The following CHD6 variants were observed in gnomAD, a reference collection of about 807,000 sequenced individuals.
CHD6 encodes ATP-dependent chromatin remodeler CHD6.
A neutral mutation model predicts 276.9 loss-of-function variants in CHD6; 50 were observed. The observed-to-expected ratio is 0.18, with a 90% CI of 0.14 to 0.23. CHD6 has a LOEUF of 0.23. Ranked by LOEUF, CHD6 falls within the 10% of genes least tolerant of loss-of-function variation. CHD6 has a pLI of 1.00. For missense variants in CHD6, 2,564 were observed against 3,365.8 expected (o/e 0.76, Z 5.89); for synonymous variants, 1,173 against 1,229.3 (o/e 0.95, Z 0.96).
chr20:41,565,047 C>A (rs1462651258), intron 1 of CHD6, among the ~76,000 whole-genome samples: 3 of 150,046 alleles, frequency 2.0e-5, no homozygotes, highest in Non-Finnish European at 4.4e-5. Context: ...AGCAGGCTAG[C>A]AAATAAAACA....
At chr20:41,584,627 C>T (rs771174138) in intron 1 of CHD6, among the ~76,000 whole-genome samples, 1 of 151,982 alleles carries the variant, frequency 6.6e-6, no homozygotes, top group African/African-American at 2.4e-5. Flanking sequence ...TATTATCCAA[C>T]TACAAAAAAA....
chr20:41,402,128 C>T lies in CHD6; in HGVS notation c.*2465G>A. Reference sequence around the variant, plus strand: ...TTGTTTTTAAATCCAGGATCAAGACCACAATTTATTATGTAAGACATGGGG... The same window carrying T: ...TTGTTTTTAAATCCAGGATCAAGACTACAATTTATTATGTAAGACATGGGG... On this transcript the variant is annotated 3_prime_UTR_variant, in exon 37 of 37. Transcript: ENST00000373233. 1 of 197,602 alleles carries T rather than the reference C, an allele frequency of 5.1e-6. No homozygotes were observed. The highest frequency in any genetic ancestry group is 1.0e-5 in the Non-Finnish European group (1 of 95,366). The allele number at this position is 197,602 out of a possible 1,614,324, so 12.2% of individuals were successfully genotyped here.
At chr20:41,418,420 G>A (rs1043556394) in intron 31 of CHD6, among the ~76,000 whole-genome samples, 4 of 152,158 alleles carry the variant, frequency 2.6e-5, no homozygotes, top group African/African-American at 9.6e-5. Context: ...TTGTGGACAT[G>A]CTGAGGAACG....
intron 3 of CHD6, among the ~76,000 whole-genome samples, chr20:41,516,273 C>T (rs1042224803): frequency 9.2e-5 from 14 of 152,088 alleles, no homozygotes; most frequent in African/African-American, 3.1e-4. Flanking sequence ...AATTCTCCTG[C>T]CTCAGTCTCC....
chr20:41,590,498 A>G (rs147060816), intron 1 of CHD6, among the ~76,000 whole-genome samples: 1 of 152,224 alleles, frequency 6.6e-6, no homozygotes, highest in Non-Finnish European at 1.5e-5. Context: ...ATCTACAAAG[A>G]ACTCTAACAA....
intron 17 of CHD6, among the ~76,000 whole-genome samples, chr20:41,460,201 G>A (rs6072379): frequency 6.6e-6 from 1 of 152,204 alleles, no homozygotes; most frequent in Non-Finnish European, 1.5e-5. Flanking sequence ...GGGTGACTTA[G>A]GTTCTGTTAA....
chr20:41,481,878 T>A (rs993648330), intron 16 of CHD6, among the ~76,000 whole-genome samples: 1 of 152,066 alleles, frequency 6.6e-6, no homozygotes, highest in African/African-American at 2.4e-5. Flanking sequence ...AAGTGCAATG[T>A]AGAACAGCAC....
intron 1 of CHD6, among the ~76,000 whole-genome samples, chr20:41,608,742 T>C (rs188764895): frequency 4.1e-4 from 62 of 152,292 alleles, no homozygotes; most frequent in Non-Finnish European, 3.1e-4. Flanking sequence ...CCCGACAAGA[T>C]AGAAAGTAGC....
At chr20:41,465,540 G>A (rs1214058774) in intron 17 of CHD6, among the ~76,000 whole-genome samples, 1 of 152,182 alleles carries the variant, frequency 6.6e-6, no homozygotes, top group African/African-American at 2.4e-5. Flanking sequence ...AGGTTAGGGA[G>A]TCACAACTTC....
Position 41,507,872 on chromosome 20 carries a change from T to A in CHD6, c.852+4974A>T, listed in dbSNP as rs2044014939. ...TCTTTTACTTCTATTTAGCAAACCA[T>A]AAGGAGGGAGCCTAACAAGAAACAA... On this transcript the variant is annotated intron_variant, in intron 5 of 36. Coordinates refer to ENST00000373233, the MANE Select transcript of CHD6 (RefSeq NM_032221.5). Among the ~76,000 whole-genome samples, 2 of 152,104 alleles carry A rather than the reference T, an allele frequency of 1.3e-5. 1 individual carries two copies. The highest frequency in any genetic ancestry group is 4.1e-4 in the South Asian group (2 of 4,824).
intron 3 of CHD6, among the ~76,000 whole-genome samples, chr20:41,517,961 A>G (rs1010456193): frequency 2.0e-5 from 3 of 152,254 alleles, no homozygotes; most frequent in African/African-American, 7.2e-5. Flanking sequence ...ATGTTATTTG[A>G]ATCTCAAAAT....
intron 1 of CHD6, among the ~76,000 whole-genome samples, chr20:41,600,837 G>C (rs928734182): frequency 6.6e-6 from 1 of 152,212 alleles, no homozygotes; most frequent in East Asian, 1.9e-4. Flanking sequence ...TCTGTCCAGA[G>C]TTGCAGTGTG....
chr20:41,479,531 A>G (rs891856698), intron 16 of CHD6, among the ~76,000 whole-genome samples: 1 of 152,092 alleles, frequency 6.6e-6, no homozygotes, highest in East Asian at 1.9e-4. Context: ...CTGGAGGGGG[A>G]AGAAAAGGAA....
chr20:41,522,948 AAT>A (rs143994460), intron 3 of CHD6, among the ~76,000 whole-genome samples: 2 of 150,962 alleles, frequency 1.3e-5, no homozygotes, highest in African/African-American at 4.8e-5. Flanking sequence ...CTTCCTTTAA[AAT>A]ATATATATAT....
intron 1 of CHD6, among the ~76,000 whole-genome samples, chr20:41,556,260 G>C (rs1352933976): frequency 3.3e-5 from 5 of 151,210 alleles, no homozygotes; most frequent in Admixed American, 1.3e-4. Flanking sequence ...GAGAGGGAGA[G>C]GGAGACCGTG....
intron 6 of CHD6, among the ~76,000 whole-genome samples, chr20:41,498,885 G>C (rs1439240349): frequency 6.6e-6 from 1 of 151,556 alleles, no homozygotes; most frequent in Non-Finnish European, 1.5e-5. Flanking sequence ...ATATTGCCCA[G>C]GTTGGTCTTG....
At chr20:41,504,403 C>CTTTTTTTTTTTTTTTTT (rs200549678) in intron 5 of CHD6, among the ~76,000 whole-genome samples, 1 of 109,972 alleles carries the variant, frequency 9.1e-6, no homozygotes, top group Non-Finnish European at 1.8e-5. Context: ...CCTCTATTTT[C>CTTTTTTTTTTTTTTTTT]TTTTTTTTTT....
At chr20:41,477,901 TA>T (rs2043202152) in intron 16 of CHD6, among the ~76,000 whole-genome samples, 1 of 152,094 alleles carries the variant, frequency 6.6e-6, no homozygotes, top group African/African-American at 2.4e-5. Flanking sequence ...GAGGGTAAAA[TA>T]AAAGATCTTG....
Position 41,452,245 on chromosome 20 carries a change from A to G in CHD6, c.3324-220T>C, listed in dbSNP as rs2048260904. 6.6e-6 allele frequency among the ~76,000 whole-genome samples: 1 copy of G among 152,242 alleles called. No individual in the cohort carries two copies. The highest frequency in any genetic ancestry group is 2.4e-5 in the African/African-American group (1 of 41,466). On this transcript the variant is annotated intron_variant, in intron 21 of 36. Transcript: ENST00000373233. This position sits in a 1 kb window ranked among gnomAD's most constrained non-coding sequence, Gnocchi z 4.2. ...CTGGACGTTGGACACTGAGAGCTTC[A>G]TATGGCCACTACAATGTTAAAAAGG...
Sources: gnomAD v4.1 joint callset for allele counts (sites outside exome capture counted in the v4.1 genomes callset) on GRCh38, gnomAD v4.1.1 for gene constraint, Gnocchi (gnomAD v3.1) non-coding constraint, MANE v1.5 for transcripts, NCBI Gene and HGNC (gene_info 2026-07-23, HGNC 2026-07-21) for gene names.